Variants in LPCAT2 observed in about 807,000 individuals in gnomAD.
The protein encoded by LPCAT2 is lysophosphatidylcholine acyltransferase 2.
In LPCAT2, 58 loss-of-function variants were observed where a neutral mutation model predicts 64.7. The ratio of observed to expected loss-of-function variants is 0.90; its 90% confidence interval spans 0.73 to 1.12. The LOEUF (loss-of-function observed/expected upper bound fraction) is 1.12. LPCAT2 is among the 50% of genes most tolerant of loss of function. The pLI is 0.00. For synonymous variants in LPCAT2, 252 were observed against 245.3 expected (o/e 1.03, Z -0.26); for missense variants, 579 against 669.8 (o/e 0.86, Z 1.50).
intron 8 of LPCAT2, chr16:55,538,658 TCA>T (rs1454342508): frequency 1.5e-4 from 21 of 135,926 alleles, no homozygotes; most frequent in Non-Finnish European, 3.1e-5. Context: ...TAAAACCAGT[TCA>T]GTTATCTCTC....
chr16:55,545,537 A>G, intron 8 of LPCAT2, 198 bp from the exon 9 acceptor site: 1 of 434,470 alleles, frequency 2.3e-6, no homozygotes, highest in East Asian at 3.6e-5. Context: ...GTTAAATGAC[A>G]TACTAGTTAA....
chr16:55,541,741 A>C (rs1963399287), intron 8 of LPCAT2: 1 of 600,392 alleles, frequency 1.7e-6, no homozygotes, highest in Admixed American at 4.1e-5. Context: ...ATAATGACAG[A>C]AAATTTATAG....
chr16:55,581,669 G>A (rs1374124722), intron 13 of LPCAT2, among the ~76,000 whole-genome samples: 1 of 152,162 alleles, frequency 6.6e-6, no homozygotes, highest in East Asian at 1.9e-4. Flanking sequence ...AGGACATTTA[G>A]TTAACATTAT....
At chr16:55,572,778 T>C (rs934372103) in intron 11 of LPCAT2, among the ~76,000 whole-genome samples, 4 of 152,106 alleles carry the variant, frequency 2.6e-5, no homozygotes. Flanking sequence ...CTTATGGTCA[T>C]GCCTATGGAT....
rs572082374 is a variant in LPCAT2 at position 55,539,437 on chromosome 16, G to A, written c.852+1805G>A. 269 of 152,180 alleles carry A rather than the reference G, an allele frequency of 1.8e-3. 1 individual carries two copies. Among genetic ancestry groups the A allele is most frequent in the African/African-American group, 6.1e-3 (255 of 41,508 alleles). 9.4% of individuals were successfully genotyped at this position (152,180 alleles called of 1,614,324 possible). A position where few individuals can be genotyped will look rare whatever the true frequency, so the allele number is the denominator to read the frequency against. On this transcript the variant is annotated intron_variant, in intron 8 of 13. Transcript: ENST00000262134. ...GACAGAGATTTGATGAATTAGAATC[G>A]TAGTGCAGAACAAGAGGATGGGAAT...
intron 9 of LPCAT2, among the ~76,000 whole-genome samples, chr16:55,548,999 G>A (rs1410468509): frequency 2.6e-5 from 4 of 152,120 alleles, no homozygotes; most frequent in Non-Finnish European, 4.4e-5. Flanking sequence ...TGAGACTGAA[G>A]GCAACTATTA....
At chr16:55,538,735 A>G (rs1963357419) in intron 8 of LPCAT2, 1 of 149,776 alleles carries the variant, frequency 6.7e-6, no homozygotes, top group Non-Finnish European at 1.5e-5. Context: ...GGTTTTTCTT[A>G]GAGGTTCCTG....
At chr16:55,566,982 G>GA in intron 11 of LPCAT2, 1 of 1,613,904 alleles carries the variant, frequency 6.2e-7, no homozygotes, top group Non-Finnish European at 8.5e-7. Flanking sequence ...CTCAGAAAGT[G>GA]AGGAAGTTAG....
chr16:55,565,927 T>G (rs1302714630), intron 11 of LPCAT2, among the ~76,000 whole-genome samples: 2 of 152,196 alleles, frequency 1.3e-5, no homozygotes, highest in African/African-American at 4.8e-5. Context: ...TGAAAGAGTC[T>G]GTACTGTCTG....
intron 8 of LPCAT2, among the ~76,000 whole-genome samples, chr16:55,543,192 A>T (rs1206136333): frequency 6.6e-6 from 1 of 152,186 alleles, no homozygotes; most frequent in African/African-American, 2.4e-5. Context: ...TCCAAGGCCC[A>T]TGGGTGTCAA....
intron 4 of LPCAT2, among the ~76,000 whole-genome samples, chr16:55,530,204 A>C (rs1397918032): frequency 6.6e-6 from 1 of 152,118 alleles, no homozygotes; most frequent in Non-Finnish European, 1.5e-5. Context: ...GTGTTACAAA[A>C]ATTTGATTCT....
At position 55,574,684 on chromosome 16, in the gene LPCAT2, G is replaced by GT. The variant is rs1963807793; in HGVS notation, c.1270dup (p.Cys424LeufsTer15). ...AGTATGTGATTGGCCTGGCTGTCTT[G>GT]TGCAACCCTTCCAACACAGAGGAGA... On this transcript the variant is annotated frameshift_variant, in exon 12 of 14. Coordinates refer to ENST00000262134, the MANE Select transcript of LPCAT2 (RefSeq NM_017839.5). LOFTEE classifies it high-confidence loss of function. The GT allele has an allele frequency of 6.2e-7, 1 of 1,613,462 alleles. No individual in the cohort carries two copies. Among genetic ancestry groups the GT allele is most frequent in the African/African-American group, 1.3e-5 (1 of 74,870 alleles).
chr16:55,572,550 T>G (rs374332799), intron 11 of LPCAT2, among the ~76,000 whole-genome samples: 5 of 152,282 alleles, frequency 3.3e-5, no homozygotes, highest in African/African-American at 1.2e-4. Flanking sequence ...AATTAAATGG[T>G]GGTGGCAAAG....
intron 6 of LPCAT2, among the ~76,000 whole-genome samples, chr16:55,533,986 A>G (rs535284074): frequency 6.6e-6 from 1 of 152,298 alleles, no homozygotes; most frequent in South Asian, 2.1e-4. Context: ...TTGGACATCT[A>G]TGGTTAAAAA....
At chr16:55,578,150 A>G (rs1963848674) in intron 12 of LPCAT2, among the ~76,000 whole-genome samples, 1 of 151,994 alleles carries the variant, frequency 6.6e-6, no homozygotes, top group Admixed American at 6.6e-5. Context: ...CCTCTTCACT[A>G]CTCATACCTC....
At chr16:55,519,965 A>G (rs1963072258) in intron 1 of LPCAT2, among the ~76,000 whole-genome samples, 1 of 152,208 alleles carries the variant, frequency 6.6e-6, no homozygotes, top group Non-Finnish European at 1.5e-5. Flanking sequence ...GAACTCAAGG[A>G]AGAAAACAGA....
In LPCAT2 at chr16:55,520,946, A is replaced by G. The variant is rs75024108; in HGVS notation, c.172-4562A>G. Among the ~76,000 whole-genome samples the G allele has an allele frequency of 8.6e-3, 1,312 of 151,956 alleles. 13 individuals are homozygous for G. Among genetic ancestry groups the G allele is most frequent in the African/African-American group, 0.03 (1,243 of 41,578 alleles). On this transcript the variant is annotated intron_variant, in intron 1 of 13. Coordinates refer to ENST00000262134, the MANE Select transcript of LPCAT2 (RefSeq NM_017839.5). ...TAAGTTTTTACCTTCAGTAGCTGGA[A>G]GAAGAACAAATTAAACACAAAGTAA...
At position 55,584,577 on chromosome 16, in the gene LPCAT2, A is replaced by G. The variant is rs1222462828; in HGVS notation, c.*1479A>G. The G allele has an allele frequency of 6.6e-6, 1 of 152,164 alleles. No individual in the cohort carries two copies. Among genetic ancestry groups the G allele is most frequent in the East Asian group, 1.9e-4 (1 of 5,194 alleles). The allele number at this position is 152,164 out of a possible 1,614,324, so 9.4% of individuals were successfully genotyped here. A position where few individuals can be genotyped will look rare whatever the true frequency, so the allele number is the denominator to read the frequency against. ...ACAAAAATAGTTGGTTCATTTTCTG[A>G]ATTCAGTCTTTGAAATAAAACTCCT... On this transcript the variant is annotated 3_prime_UTR_variant, in exon 14 of 14. Coordinates refer to ENST00000262134, the MANE Select transcript of LPCAT2 (RefSeq NM_017839.5).
At chr16:55,549,129 T>G in intron 9 of LPCAT2, 148 bp from the exon 10 acceptor site, 2 of 561,418 alleles carry the variant, frequency 3.6e-6, no homozygotes, top group South Asian at 5.0e-5. Flanking sequence ...AACATGTCTC[T>G]TTGTCAAGAA....
Sources: gnomAD v4.1 joint callset for allele counts (sites outside exome capture counted in the v4.1 genomes callset) on GRCh38, gnomAD v4.1.1 for gene constraint, MANE v1.5 for transcripts, NCBI Gene and HGNC (gene_info 2026-07-23, HGNC 2026-07-21) for gene names.